Variants in TRPM3 observed in about 807,000 individuals in gnomAD.
The protein encoded by TRPM3 is transient receptor potential cation channel subfamily M member 3.
A neutral mutation model predicts 181.2 loss-of-function variants in TRPM3; 77 were observed. That is an observed-to-expected ratio of 0.42 (90% CI 0.35 to 0.51). TRPM3 has a LOEUF of 0.51. Ranked by LOEUF, TRPM3 falls within the 20% of genes least tolerant of loss-of-function variation. The pLI, the probability that TRPM3 is intolerant of heterozygous loss-of-function variation, is 0.01. For synonymous variants in TRPM3, 745 were observed against 796.4 expected, an observed-to-expected ratio of 0.94 and a Z score of 1.09; for missense variants, 1,759 against 2,196.7, an observed-to-expected ratio of 0.80 and a Z score of 3.98.
chr9:71,031,995 AT>A (rs2057411334), intron 1 of TRPM3, among the ~76,000 whole-genome samples: 1 of 884 alleles, frequency 1.1e-3, no homozygotes, highest in Non-Finnish European at 2.2e-3. Flanking sequence ...TATTATATAT[AT>A]ATAATTATAT....
At chr9:71,336,918 G>A (rs897273206) in intron 1 of TRPM3, among the ~76,000 whole-genome samples, 9 of 152,120 alleles carry the variant, frequency 5.9e-5, no homozygotes, top group Non-Finnish European at 1.3e-4. Context: ...AACTGGAACT[G>A]GACCCCTTCC....
chr9:70,668,893 T>C (rs539201120), intron 9 of TRPM3, among the ~76,000 whole-genome samples: 1 of 152,348 alleles, frequency 6.6e-6, no homozygotes, highest in East Asian at 1.9e-4. Flanking sequence ...ATGAAGCTGA[T>C]TCATTGCCCT....
chr9:71,355,592 G>A (rs905446830), intron 1 of TRPM3, among the ~76,000 whole-genome samples: 14 of 152,086 alleles, frequency 9.2e-5, no homozygotes, highest in African/African-American at 3.1e-4. Context: ...CATTTCTTAC[G>A]GCAGCCCTAG....
At chr9:70,833,656 C>T (rs1052510073) in intron 5 of TRPM3, among the ~76,000 whole-genome samples, 2 of 152,116 alleles carry the variant, frequency 1.3e-5, no homozygotes, top group Admixed American at 6.5e-5. Context: ...AGGCAGAGGA[C>T]CCAGTCTGAT....
At chr9:71,226,362 A>G (rs754909046) in intron 1 of TRPM3, among the ~76,000 whole-genome samples, 4 of 152,140 alleles carry the variant, frequency 2.6e-5, no homozygotes, top group Admixed American at 2.0e-4. Flanking sequence ...TAAATGGACT[A>G]AACTCTCCAA....
chr9:71,246,314 T>G (rs1395878516), intron 1 of TRPM3, among the ~76,000 whole-genome samples: 1 of 152,226 alleles, frequency 6.6e-6, no homozygotes, highest in Non-Finnish European at 1.5e-5. Context: ...AAAAGGCATG[T>G]ATGCCAAGTC....
Position 71,418,813 on chromosome 9 carries a change from C to CTATATATATA in TRPM3, c.183+27830_183+27839dup, listed in dbSNP as rs67074520. 2.9e-3 allele frequency among the ~76,000 whole-genome samples: 324 copies of CTATATATATA among 113,136 alleles called. 1 individual carries two copies. Among genetic ancestry groups the CTATATATATA allele is most frequent in the Non-Finnish European group, 4.9e-3 (260 of 52,776 alleles). The allele number at this position is 113,136 out of a possible 152,430, so 74.2% of individuals were successfully genotyped here. A position where few individuals can be genotyped will look rare whatever the true frequency, so the allele number is the denominator to read the frequency against. On this transcript the variant is annotated intron_variant, in intron 1 of 24. Transcript: ENST00000357533. The stretch of plus-strand genomic sequence containing the variant: ...CATCCTTTGAGATACTATATATATA[C>CTATATATATA]TATATATATATATATCCTTTGAGAT...
chr9:71,243,265 C>T (rs2081826322), intron 1 of TRPM3, among the ~76,000 whole-genome samples: 1 of 152,226 alleles, frequency 6.6e-6, no homozygotes, highest in South Asian at 2.1e-4. Context: ...TGGTCTTGAA[C>T]TCCTGACCTC....
chr9:70,664,497 T>C (rs7866576), intron 9 of TRPM3, among the ~76,000 whole-genome samples: 2,200 of 152,262 alleles, frequency 0.014, 57 homozygotes, highest in African/African-American at 0.05. Context: ...TAGATACAGG[T>C]GCTCTATTTA....
chr9:70,823,948 T>G (rs1384021723), intron 6 of TRPM3, among the ~76,000 whole-genome samples: 4 of 152,226 alleles, frequency 2.6e-5, no homozygotes, highest in Non-Finnish European at 5.9e-5. Context: ...TCCTGACTGT[T>G]GGCTGTAGGA....
intron 1 of TRPM3, among the ~76,000 whole-genome samples, chr9:71,243,315 T>C (rs1386182315): frequency 6.6e-6 from 1 of 152,218 alleles, no homozygotes; most frequent in Admixed American, 6.5e-5. Flanking sequence ...TGAGCCATGG[T>C]ACCCAGCCTG....
At position 70,861,663 on chromosome 9, in the gene TRPM3, G is replaced by T. The variant is rs535261269; in HGVS notation, c.462+1245C>A. ...TGAACAGTGACTGTACTGAATTGGG[G>T]ACAGTTAATAATCTTGTGTGGGCAA... On this transcript the variant is annotated intron_variant, in intron 3 of 25. Coordinates refer to ENST00000677713, the MANE Select transcript of TRPM3 (RefSeq NM_001366145.2). Among the ~76,000 whole-genome samples the T allele has an allele frequency of 3.3e-5, 5 of 152,262 alleles. No homozygotes were observed. The East Asian group carries it at 9.7e-4, about 29-fold the overall frequency.
intron 1 of TRPM3, among the ~76,000 whole-genome samples, chr9:71,412,009 A>G (rs530664782): frequency 6.6e-6 from 1 of 152,194 alleles, no homozygotes; most frequent in Non-Finnish European, 1.5e-5. Flanking sequence ...AGGATTACCT[A>G]TTCAATAAAA....
At chr9:70,756,122 C>A (rs2077036000) in intron 8 of TRPM3, among the ~76,000 whole-genome samples, 1 of 151,548 alleles carries the variant, frequency 6.6e-6, no homozygotes, top group African/African-American at 2.4e-5. Flanking sequence ...ATTTACCAAG[C>A]AAATGGAAAG....
intron 1 of TRPM3, among the ~76,000 whole-genome samples, chr9:71,233,985 T>C (rs966690744): frequency 6.6e-6 from 1 of 152,244 alleles, no homozygotes; most frequent in Non-Finnish European, 1.5e-5. Context: ...GACTTAGTAG[T>C]TTACAATAAC....
intron 1 of TRPM3, among the ~76,000 whole-genome samples, chr9:71,261,553 G>A (rs527381619): frequency 6.6e-6 from 1 of 152,282 alleles, no homozygotes; most frequent in South Asian, 2.1e-4. Flanking sequence ...CCTTGCTGGC[G>A]AGGAGTTGTG....
intron 1 of TRPM3, among the ~76,000 whole-genome samples, chr9:71,385,683 G>A (rs146432113): frequency 2.0e-5 from 3 of 152,158 alleles, no homozygotes; most frequent in Admixed American, 6.6e-5. Flanking sequence ...TTATATTTAA[G>A]TGAGTCTTGG....
intron 1 of TRPM3, among the ~76,000 whole-genome samples, chr9:70,875,982 T>A (rs1295519917): frequency 6.6e-6 from 1 of 151,860 alleles, no homozygotes; most frequent in East Asian, 1.9e-4. Flanking sequence ...AATAAATCCA[T>A]CTGCATAAGT....
chr9:70,549,506 A>C (rs1186787752), intron 25 of TRPM3, 36 bp downstream of exon 25: 1 of 1,589,818 alleles, frequency 6.3e-7, no homozygotes, highest in South Asian at 1.2e-5. Context: ...CCTTGGCACA[A>C]CACATCTGCA....
Sources: gnomAD v4.1 joint callset for allele counts (sites outside exome capture counted in the v4.1 genomes callset) on GRCh38, gnomAD v4.1.1 for gene constraint, MANE v1.5 for transcripts, NCBI Gene and HGNC (gene_info 2026-07-23, HGNC 2026-07-21) for gene names.